GPM6A: variants seen among roughly 807,000 people sequenced by gnomAD.
The protein encoded by GPM6A is glycoprotein M6A, also known as neuronal membrane glycoprotein M6-a.
In GPM6A, 7 loss-of-function variants were observed where a neutral mutation model predicts 32.1. The ratio of observed to expected loss-of-function variants is 0.22; its 90% CI spans 0.12 to 0.41. GPM6A has a LOEUF of 0.41. Ranked by LOEUF, GPM6A falls within the 10% of genes least tolerant of loss-of-function variation. The pLI is 1.00. For synonymous variants in GPM6A, 130 were observed against 123.4 expected (o/e 1.05, Z -0.35); for missense variants, 235 against 347.2 (o/e 0.68, Z 2.57).
intron 1 of GPM6A, among the ~76,000 whole-genome samples, chr4:175,942,731 G>T (rs958362557): frequency 2.6e-5 from 4 of 152,038 alleles, no homozygotes; most frequent in Admixed American, 2.0e-4. Flanking sequence ...TGTTCCGTTG[G>T]TCTATATATC....
chr4:175,754,090 T>G (rs1023929555), intron 1 of GPM6A, among the ~76,000 whole-genome samples: 1 of 152,178 alleles, frequency 6.6e-6, no homozygotes, highest in Non-Finnish European at 1.5e-5. Flanking sequence ...TCACTATTTT[T>G]CAACATATCT....
Position 175,702,261 on chromosome 4 carries a change from G to A in GPM6A, c.38-494C>T, listed in dbSNP as rs138388393. ...ATTTGGATACATGTTTATAATGTATGAGGATAAAATCGGGGTAATTGGGAT... is the reference window on the plus strand; with the variant it reads ...ATTTGGATACATGTTTATAATGTATAAGGATAAAATCGGGGTAATTGGGAT... On this transcript the variant is annotated intron_variant, in intron 1 of 6. Coordinates refer to ENST00000393658, the MANE Select transcript of GPM6A (RefSeq NM_201591.3). 3.3e-5 allele frequency among the ~76,000 whole-genome samples: 5 copies of A among 152,292 alleles called. No individual in the cohort carries two copies. The East Asian group carries it at 9.7e-4, about 29-fold the overall frequency.
chr4:175,808,896 A>T (rs1413853894), intron 1 of GPM6A: 1 of 152,234 alleles, frequency 6.6e-6, no homozygotes, highest in Non-Finnish European at 1.5e-5. Flanking sequence ...TGTTTGGAAC[A>T]GTTCAGCCAA....
chr4:175,912,296 C>G (rs1738345705), intron 1 of GPM6A, among the ~76,000 whole-genome samples: 1 of 151,980 alleles, frequency 6.6e-6, no homozygotes, highest in East Asian at 1.9e-4. Flanking sequence ...ATGAGAAATA[C>G]TCTTTTATGT....
At chr4:175,686,817 G>A (rs1744005774) in intron 2 of GPM6A, among the ~76,000 whole-genome samples, 1 of 152,194 alleles carries the variant, frequency 6.6e-6, no homozygotes, top group African/African-American at 2.4e-5. Context: ...AAGATTGCTT[G>A]AAACAAATTC....
intron 1 of GPM6A, among the ~76,000 whole-genome samples, chr4:175,919,057 C>T (rs1013287586): frequency 6.6e-6 from 1 of 152,048 alleles, no homozygotes; most frequent in Non-Finnish European, 1.5e-5. Context: ...GGGAAAATTG[C>T]CTTTTATCAT....
In GPM6A at chr4:175,633,482, A is replaced by G. The variant is rs1740412307; in HGVS notation, c.*1423T>C. 1 of 152,476 alleles carries G rather than the reference A, an allele frequency of 6.6e-6. No individual in the cohort carries two copies. Among genetic ancestry groups the G allele is most frequent in the African/African-American group, 2.4e-5 (1 of 41,436 alleles). 9.4% of individuals were successfully genotyped at this position (152,476 alleles called of 1,614,324 possible). A position where few individuals can be genotyped will look rare whatever the true frequency, so the allele number is the denominator to read the frequency against. On this transcript the variant is annotated 3_prime_UTR_variant, in exon 7 of 7. Coordinates refer to ENST00000393658, the MANE Select transcript of GPM6A (RefSeq NM_201591.3). ...ATAAATTTTTATTAGAAATGCAGTT[A>G]CACTGAGAAAGGATTTCACAATGGT...
intron 1 of GPM6A, among the ~76,000 whole-genome samples, chr4:175,805,297 G>A (rs975893642): frequency 6.6e-6 from 1 of 152,028 alleles, no homozygotes; most frequent in South Asian, 2.1e-4. Flanking sequence ...GAAAGAATAG[G>A]TAATTCACCA....
intron 1 of GPM6A, chr4:175,781,241 T>TG (rs1733603595): frequency 6.6e-6 from 1 of 152,090 alleles, no homozygotes; most frequent in African/African-American, 2.4e-5. Context: ...AGCACACAAA[T>TG]GCTTCTATCA....
rs1428897679 is a variant in GPM6A, at chr4:175,633,595, T to A, written c.*1310A>T. 1 of 152,516 alleles carries A rather than the reference T, an allele frequency of 6.6e-6. No individual in the cohort carries two copies. Among genetic ancestry groups the A allele is most frequent in the African/African-American group, 2.4e-5 (1 of 41,438 alleles). 9.4% of individuals were successfully genotyped at this position (152,516 alleles called of 1,614,324 possible). ...CATTTTAGAAGACACTTTACAGCAT[T>A]CTTGTAGCATTAGAAATAATGAAAA... is the stretch of plus-strand genomic sequence containing the variant. On this transcript the variant is annotated 3_prime_UTR_variant, in exon 7 of 7. Coordinates refer to ENST00000393658, the MANE Select transcript of GPM6A (RefSeq NM_201591.3).
chr4:175,751,085 AG>A (rs1732317320), intron 1 of GPM6A, among the ~76,000 whole-genome samples: 1 of 152,204 alleles, frequency 6.6e-6, no homozygotes, highest in Admixed American at 6.5e-5. Flanking sequence ...GGGGGAAAAA[AG>A]ATGTGCATAA....
chr4:175,909,051 G>GC (rs1168313234), intron 1 of GPM6A, among the ~76,000 whole-genome samples: 1 of 79,468 alleles, frequency 1.3e-5, no homozygotes, highest in Non-Finnish European at 2.5e-5. Flanking sequence ...GCGGGGGGGG[G>GC]GCAACTAGCT....
chr4:175,945,933 A>C (rs535678136), intron 1 of GPM6A, among the ~76,000 whole-genome samples: 1 of 151,616 alleles, frequency 6.6e-6, no homozygotes, highest in African/African-American at 2.4e-5. Flanking sequence ...ACTTATAACT[A>C]AGTAATACGG....
In GPM6A at chr4:175,658,939, C is replaced by G. The variant is rs1263676294; in HGVS notation, c.388-6952G>C. 2.6e-5 allele frequency among the ~76,000 whole-genome samples: 4 copies of G among 152,130 alleles called. No individual in the cohort carries two copies. In the East Asian group the frequency reaches 7.7e-4, roughly 29 times the overall value. ...AGAATAAAATGATCTGTGAAACAGT[C>G]TGGTTTCCTACACTGAGCTACAGAG... On this transcript the variant is annotated intron_variant, in intron 3 of 6. Coordinates refer to ENST00000393658, the MANE Select transcript of GPM6A (RefSeq NM_201591.3).
upstream of GPM6A, among the ~76,000 whole-genome samples, chr4:175,816,084 G>C (rs1053564148): frequency 1.3e-5 from 2 of 152,160 alleles, no homozygotes; most frequent in African/African-American, 2.4e-5. Flanking sequence ...CCAGCTACTG[G>C]GGAGGCTGAG....
intron 1 of GPM6A, among the ~76,000 whole-genome samples, chr4:175,851,528 A>C (rs956229146): frequency 6.6e-6 from 1 of 152,072 alleles, no homozygotes; most frequent in African/African-American, 2.4e-5. Flanking sequence ...ATGAGTGTCC[A>C]AACACTCTTA....
chr4:175,771,340 G>A (rs1021766903), intron 1 of GPM6A, among the ~76,000 whole-genome samples: 2 of 152,002 alleles, frequency 1.3e-5, no homozygotes, highest in East Asian at 1.9e-4. Flanking sequence ...TTGGGAGGCC[G>A]AGACAGGGGG....
chr4:175,981,442 CTTTG>C (rs1225652142), intron 1 of GPM6A, among the ~76,000 whole-genome samples: 1 of 152,158 alleles, frequency 6.6e-6, no homozygotes, highest in African/African-American at 2.4e-5. Context: ...TTAAGCACTG[CTTTG>C]TTTTTTATCT....
intron 1 of GPM6A, among the ~76,000 whole-genome samples, chr4:175,823,851 A>G (rs1447163970): frequency 6.6e-6 from 1 of 152,216 alleles, no homozygotes; most frequent in Non-Finnish European, 1.5e-5. Flanking sequence ...TCATTCTTTA[A>G]AGTGCCTTGC....
Sources: gnomAD v4.1 joint callset for allele counts (sites outside exome capture counted in the v4.1 genomes callset) on GRCh38, gnomAD v4.1.1 for gene constraint, MANE v1.5 for transcripts, NCBI Gene and HGNC (gene_info 2026-07-23, HGNC 2026-07-21) for gene names.